Variants in TNRC18 observed in about 807,000 individuals in gnomAD.
The protein encoded by TNRC18 is trinucleotide repeat containing 18, also known as trinucleotide repeat-containing gene 18 protein.
TNRC18 carries 69 observed loss-of-function variants against 226.7 expected under a neutral mutation model. That is an observed-to-expected ratio of 0.30 (90% CI 0.25 to 0.37). The LOEUF is 0.37. Among genes scored for constraint, TNRC18 ranks in the 10% least tolerant of loss-of-function variants. The probability of loss-of-function intolerance (pLI) is 1.00; values close to 1 mark genes in which losing one functional copy is unlikely to be tolerated. For missense variants in TNRC18, 4,754 were observed against 4,256.6 expected (o/e 1.12, Z -3.25); for synonymous variants, 2,449 against 1,927.6 (o/e 1.27, Z -7.09).
At chr7:5,380,137 C>T (rs1779296412) in intron 5 of TNRC18, among the ~76,000 whole-genome samples, 1 of 152,130 alleles carries the variant, frequency 6.6e-6, no homozygotes, top group Non-Finnish European at 1.5e-5. Context: ...CCCCAAATAC[C>T]AGGAGCTCCT....
intron 2 of TNRC18, among the ~76,000 whole-genome samples, chr7:5,396,389 G>A (rs1480721171): frequency 6.6e-6 from 1 of 152,086 alleles, no homozygotes; most frequent in African/African-American, 2.4e-5. Flanking sequence ...AACAGGCCGG[G>A]CAAGGTGGCT....
intron 18 of TNRC18, among the ~76,000 whole-genome samples, chr7:5,336,081 T>C (rs1409588660): frequency 2.0e-5 from 3 of 151,968 alleles, no homozygotes; most frequent in Middle Eastern, 3.4e-3. Context: ...GTGGCATGCA[T>C]CTGTAATTCC....
At position 5,333,051 on chromosome 7, in the gene TNRC18, T is replaced by G. The variant is rs756005231; in HGVS notation, c.5720-2A>C. ...AGTCGGTGTACTCGAACTCTGTGCC[T>G]GAACGCGGGAGGAGGGCGTGCTGGT... is the stretch of plus-strand genomic sequence containing the variant. On this transcript the variant is annotated splice_acceptor_variant, in intron 18 of 29. Transcript: ENST00000430969. LOFTEE classifies it high-confidence loss of function. 2.5e-6 allele frequency: 4 copies of G among 1,570,666 alleles called. No individual in the cohort carries two copies. In the Admixed American group the frequency reaches 7.1e-5, roughly 28 times the overall value.
intron 24 of TNRC18, among the ~76,000 whole-genome samples, chr7:5,317,600 T>A (rs551949180): frequency 2.0e-5 from 3 of 149,628 alleles, no homozygotes; most frequent in Non-Finnish European, 4.5e-5. Context: ...CAAAAAAAAA[T>A]ACAGAAAGTT....
At position 5,388,940 on chromosome 7, in the gene TNRC18, G is replaced by C; in HGVS notation, c.884C>G (p.Ala295Gly). 7.2e-7 allele frequency: 1 copy of C among 1,384,910 alleles called. No individual in the cohort carries two copies. The highest frequency in any genetic ancestry group is 9.4e-7 in the Non-Finnish European group (1 of 1,064,140). 85.8% of individuals were successfully genotyped at this position (1,384,910 alleles called of 1,614,324 possible). Residue 295 changes from alanine (A) to glycine (G), a missense_variant, in exon 5 of 30, where the codon GCG (alanine) becomes GGG (glycine). Coordinates refer to ENST00000430969, the MANE Select transcript of TNRC18 (RefSeq NM_001080495.3). ...CCCGCGCCCCGCTTCGGCCACCAGCGCGGGCAGCCCCACGTCCCCGGCGCC... is the reference window on the plus strand; with the variant it reads ...CCCGCGCCCCGCTTCGGCCACCAGCCCGGGCAGCCCCACGTCCCCGGCGCC... ...NGGAGDVGLP[A>G]LVAEAGRGGA...
At chr7:5,325,450 G>C (rs372113568) in intron 19 of TNRC18, 2 of 551,566 alleles carry the variant, frequency 3.6e-6, no homozygotes, top group East Asian at 7.1e-5. Flanking sequence ...TTGAGACGGA[G>C]TCTCGCTCTG....
At chr7:5,375,255 C>T (rs1311168413) in intron 9 of TNRC18, among the ~76,000 whole-genome samples, 2 of 152,058 alleles carry the variant, frequency 1.3e-5, no homozygotes, top group African/African-American at 2.4e-5. Flanking sequence ...GTTGCAGTGA[C>T]CCGAGATAGT....
Position 5,406,380 on chromosome 7 carries a change from T to A in TNRC18, c.188-11785A>T, listed in dbSNP as rs1013168445. On this transcript the variant is annotated intron_variant, in intron 2 of 29. Transcript: ENST00000430969. Reference sequence around the variant, plus strand: ...GGGAGGCTGAGGTGGGAGGACTGCTTGAACCCAAAAGGCGGAGGTTGCAGT... The same window carrying A: ...GGGAGGCTGAGGTGGGAGGACTGCTAGAACCCAAAAGGCGGAGGTTGCAGT... 2.6e-4 allele frequency among the ~76,000 whole-genome samples: 39 copies of A among 152,110 alleles called. 1 individual carries two copies. The highest frequency in any genetic ancestry group is 1.2e-4 in the Non-Finnish European group (8 of 68,020).
At position 5,387,497 on chromosome 7, in the gene TNRC18, G is replaced by A. The variant is rs4724662; in HGVS notation, c.2152+175C>T. 0.42 allele frequency among the ~76,000 whole-genome samples: 64,342 copies of A among 152,208 alleles called. 17,599 individuals carry two copies. The highest frequency in any genetic ancestry group is 0.78 in the African/African-American group (32,340 of 41,528). ...GAACAAACGAAAATGCCCATCAAGG[G>A]AGTGGAAAACTGAACCATGGTACAT... On this transcript the variant is annotated intron_variant, in intron 5 of 29. Coordinates refer to ENST00000430969, the MANE Select transcript of TNRC18 (RefSeq NM_001080495.3).
rs1313418122 is a variant in TNRC18 at position 5,387,759 on chromosome 7, C to T, written c.2065G>A (p.Ala689Thr). The change falls in exon 5 of 30, where the codon GCC (alanine) becomes ACC (threonine). Residue 689 changes from alanine to threonine, a missense_variant. Coordinates refer to ENST00000430969, the MANE Select transcript of TNRC18 (RefSeq NM_001080495.3). ...HPPVGIAVAV[A>T]RQKDSGGSGR... is the part of the protein sequence containing the mutation. ...CTGCCGCCACTGTCCTTCTGCCGGGCCACAGCCACTGCAATGCCCACAGGC... is the reference window on the plus strand; with the variant it reads ...CTGCCGCCACTGTCCTTCTGCCGGGTCACAGCCACTGCAATGCCCACAGGC... The T allele has an allele frequency of 6.2e-7, 1 of 1,607,918 alleles. No homozygotes were observed. Among genetic ancestry groups the T allele is most frequent in the Admixed American group, 1.7e-5 (1 of 60,020 alleles).
chr7:5,338,096 T>C (rs560118835), intron 18 of TNRC18, among the ~76,000 whole-genome samples: 2 of 152,272 alleles, frequency 1.3e-5, no homozygotes, highest in Admixed American at 1.3e-4. Context: ...ACTTACAAAG[T>C]TGCAAGATTT....
intron 19 of TNRC18, among the ~76,000 whole-genome samples, chr7:5,332,018 G>A (rs1486466757): frequency 2.0e-5 from 3 of 152,202 alleles, no homozygotes; most frequent in Admixed American, 6.5e-5. Context: ...CCATATCACA[G>A]AAGGGTCTTT....
chr7:5,344,455 C>G (rs372074581), intron 18 of TNRC18, among the ~76,000 whole-genome samples: 2 of 152,112 alleles, frequency 1.3e-5, no homozygotes, highest in South Asian at 2.1e-4. Flanking sequence ...CAAACAATGG[C>G]AGGGCATGAG....
intron 4 of TNRC18, 135 bp from the exon 5 acceptor site, chr7:5,389,471 T>TTTTTTTTGTTTTTTTTTTTTTTC (rs549108764): frequency 4.2e-5 from 39 of 927,102 alleles, no homozygotes; most frequent in Middle Eastern, 4.1e-4. Context: ...GTTTTTTTTT[T>TTTTTTTTGTTTTTTTTTTTTTTC]CAGAAAGAGT....
rs999930818 is a variant in TNRC18 at position 5,423,268 on chromosome 7, C to T, written c.-244+173G>A. The T allele has an allele frequency of 8.5e-5, 13 of 152,198 alleles. No individual in the cohort carries two copies. In the East Asian group the frequency reaches 2.1e-3, roughly 25 times the overall value. 9.4% of individuals were successfully genotyped at this position (152,198 alleles called of 1,614,324 possible). A position where few individuals can be genotyped will look rare whatever the true frequency, so the allele number is the denominator to read the frequency against. ...CCCAGCAGCCCACCCCCACCCCTCC[C>T]GGGGCGCCCCCTCCCCGCCGGCCCT... On this transcript the variant is annotated intron_variant, in intron 1 of 29. Coordinates refer to ENST00000430969, the MANE Select transcript of TNRC18 (RefSeq NM_001080495.3).
At position 5,370,536 on chromosome 7, in the gene TNRC18, T is replaced by A; in HGVS notation, c.4058A>T (p.Gln1353Leu). ...NALAAAAELP[Q>L]ARPLPSPGAA... ...ACCCGGGGAGGGCAGAGGCCTGGCC[T>A]GGGGCAGCTCCGCAGCTGCCGCCAG... Residue 1353 changes from glutamine (Q) to leucine (L), a missense_variant, in exon 11 of 30, where the codon CAG becomes CTG. Gln to Leu is a moderately radical substitution (Grantham distance 113, BLOSUM62 -2). Coordinates refer to ENST00000430969, the MANE Select transcript of TNRC18 (RefSeq NM_001080495.3). The A allele has an allele frequency of 6.2e-7, 1 of 1,605,354 alleles. No individual in the cohort carries two copies. The highest frequency in any genetic ancestry group is 8.5e-7 in the Non-Finnish European group (1 of 1,176,318).
In TNRC18 at chr7:5,309,040, G is replaced by A. The variant is rs1267205467; in HGVS notation, c.8626-91C>T. 1 of 1,502,000 alleles carries A rather than the reference G, an allele frequency of 6.7e-7. No individual in the cohort carries two copies. The highest frequency in any genetic ancestry group is 9.1e-7 in the Non-Finnish European group (1 of 1,103,082). The allele number at this position is 1,502,000 out of a possible 1,614,324, so 93.0% of individuals were successfully genotyped here. On this transcript the variant is annotated intron_variant, in intron 28 of 29. Coordinates refer to ENST00000430969, the MANE Select transcript of TNRC18 (RefSeq NM_001080495.3). The surrounding 1 kb of genome is among the most constrained non-coding windows in gnomAD (Gnocchi z 5.7). ...AGGACAGGGCTGACCCACTGGGCAGGGCTGCTGATGCTCCAGCACCCAGAA... is the reference window on the plus strand; with the variant it reads ...AGGACAGGGCTGACCCACTGGGCAGAGCTGCTGATGCTCCAGCACCCAGAA...
intron 21 of TNRC18, among the ~76,000 whole-genome samples, chr7:5,321,703 A>G (rs1215798666): frequency 1.3e-5 from 2 of 150,964 alleles, no homozygotes; most frequent in Non-Finnish European, 2.9e-5. Context: ...TGGAGTTTCA[A>G]TCTTGTTGCC....
chr7:5,325,251 G>C lies in TNRC18; in HGVS notation c.6148-3C>G. 1 of 1,550,610 alleles carries C rather than the reference G, an allele frequency of 6.4e-7. No individual in the cohort carries two copies. The highest frequency in any genetic ancestry group is 1.9e-5 in the Admixed American group (1 of 51,796). On this transcript the variant is annotated splice_polypyrimidine_tract_variant and splice_region_variant and intron_variant, in intron 19 of 29. Transcript: ENST00000430969. The stretch of plus-strand genomic sequence containing the variant: ...CCAGCCTCTTTCCCTTTCTTCTTCT[G>C]GAGGAGGAAGCAGCAGAGAGGAGCC...
Sources: allele counts gnomAD v4.1 joint callset (sites outside exome capture counted in the v4.1 genomes callset), GRCh38; gene constraint gnomAD v4.1.1; non-coding constraint Gnocchi (gnomAD v3.1); transcripts MANE v1.5; gene names NCBI Gene and HGNC (gene_info 2026-07-23, HGNC 2026-07-21).